Variants in KCNMA1 observed in about 807,000 individuals in gnomAD.
KCNMA1 encodes Calcium-activated potassium channel subunit alpha-1.
Under a neutral mutation model 140.0 loss-of-function variants are expected in KCNMA1, and 29 were observed. The observed-to-expected ratio is 0.21, with a 90% CI of 0.15 to 0.28. The LOEUF is 0.28. KCNMA1 is among the 10% of genes least tolerant of loss of function. The probability of loss-of-function intolerance (pLI) is 1.00; values close to 1 mark genes in which losing one functional copy is unlikely to be tolerated. For synonymous variants in KCNMA1, 612 were observed against 611.9 expected, an observed-to-expected ratio of 1.00 and a Z score of 0.00; for missense variants, 880 against 1,602.2, an observed-to-expected ratio of 0.55 and a Z score of 7.70.
intron 6 of KCNMA1, among the ~76,000 whole-genome samples, chr10:77,118,902 G>C (rs1449850634): frequency 6.6e-6 from 1 of 152,190 alleles, no homozygotes; most frequent in Non-Finnish European, 1.5e-5. Context: ...TCAACCATCT[G>C]GTTATGACCA....
chr10:77,198,074 A>C (rs1181464168), intron 3 of KCNMA1, among the ~76,000 whole-genome samples: 1 of 152,146 alleles, frequency 6.6e-6, no homozygotes, highest in African/African-American at 2.4e-5. Flanking sequence ...TCACTTCAAC[A>C]AATAACCTCA....
At chr10:77,625,275 G>A (rs890800182) in intron 1 of KCNMA1, among the ~76,000 whole-genome samples, 10 of 152,212 alleles carry the variant, frequency 6.6e-5, no homozygotes, top group Non-Finnish European at 1.5e-4. Flanking sequence ...CAGCTACTCC[G>A]GAGGCTGAGG....
intron 18 of KCNMA1, among the ~76,000 whole-genome samples, chr10:77,004,549 T>A (rs2087731884): frequency 6.6e-6 from 1 of 152,184 alleles, no homozygotes; most frequent in Admixed American, 6.5e-5. Context: ...AGAGCTCTCC[T>A]CTGGGCCATT....
At chr10:77,377,443 A>G (rs1049587528) in intron 2 of KCNMA1, among the ~76,000 whole-genome samples, 12 of 152,162 alleles carry the variant, frequency 7.9e-5, no homozygotes, top group African/African-American at 2.9e-4. Flanking sequence ...ATTTTCCAGT[A>G]GGGAAGTGGT....
intron 14 of KCNMA1, among the ~76,000 whole-genome samples, chr10:77,046,348 T>C (rs2095053579): frequency 1.3e-5 from 2 of 152,188 alleles, no homozygotes; most frequent in African/African-American, 4.8e-5. Flanking sequence ...TGGCATATCT[T>C]AGATGCCATT....
chr10:76,951,130 A>G (rs1258742108), intron 21 of KCNMA1, among the ~76,000 whole-genome samples: 1 of 152,198 alleles, frequency 6.6e-6, no homozygotes, highest in Non-Finnish European at 1.5e-5. Flanking sequence ...AGTGAATTCT[A>G]GAATAGGGAG....
intron 20 of KCNMA1, among the ~76,000 whole-genome samples, chr10:76,964,288 C>T (rs1402909138): frequency 6.6e-6 from 1 of 152,068 alleles, no homozygotes; most frequent in Admixed American, 6.6e-5. Context: ...TTCCCTGCTG[C>T]CACCTAAGAT....
In KCNMA1 at chr10:77,410,834, G is replaced by A. The variant is rs977926744; in HGVS notation, c.379-6811C>T. Among the ~76,000 whole-genome samples the A allele has an allele frequency of 6.6e-5, 10 of 152,162 alleles. No individual in the cohort carries two copies. In the East Asian group the frequency reaches 1.7e-3, roughly 26 times the overall value. On this transcript the variant is annotated intron_variant, in intron 1 of 27. Transcript: ENST00000286628. ...CCGTGGCTGCACCCTCATTTCTCTC[G>A]AGCTTTGGTTCACATCCTCACTTTG...
At chr10:77,058,358 C>A (rs994234656) in intron 14 of KCNMA1, among the ~76,000 whole-genome samples, 3 of 151,992 alleles carry the variant, frequency 2.0e-5, no homozygotes, top group Admixed American at 1.3e-4. Context: ...AACTAGCAGA[C>A]AGGAAATCAG....
chr10:77,034,959 G>A (rs1460794736), intron 15 of KCNMA1, among the ~76,000 whole-genome samples: 2 of 152,158 alleles, frequency 1.3e-5, no homozygotes, highest in Non-Finnish European at 2.9e-5. Flanking sequence ...CCCAACTGCT[G>A]AACCCATGGT....
chr10:77,161,093 C>T (rs1218781034), intron 5 of KCNMA1, among the ~76,000 whole-genome samples: 4 of 152,172 alleles, frequency 2.6e-5, no homozygotes, highest in Non-Finnish European at 5.9e-5. Flanking sequence ...CATTGTCTGT[C>T]GGCTCCATGG....
At chr10:76,954,490 A>G (rs554494100) in intron 20 of KCNMA1, among the ~76,000 whole-genome samples, 2 of 152,344 alleles carry the variant, frequency 1.3e-5, no homozygotes, top group Admixed American at 6.5e-5. Context: ...ATATTTTAGC[A>G]ATTTGCCCAA....
chr10:77,143,087 G>A (rs928636075), intron 5 of KCNMA1, among the ~76,000 whole-genome samples: 1 of 151,984 alleles, frequency 6.6e-6, no homozygotes, highest in Non-Finnish European at 1.5e-5. Flanking sequence ...GAATAATCAT[G>A]ACATTGAAAC....
At chr10:77,436,081 G>A (rs992730614) in intron 1 of KCNMA1, among the ~76,000 whole-genome samples, 5 of 152,216 alleles carry the variant, frequency 3.3e-5, no homozygotes, top group South Asian at 2.1e-4. Context: ...CGTAGAGAAC[G>A]TCAGAAAAGG....
chr10:77,151,161 T>C (rs546892249), intron 5 of KCNMA1, among the ~76,000 whole-genome samples: 1 of 144,608 alleles, frequency 6.9e-6, no homozygotes, highest in Admixed American at 6.8e-5. Context: ...CTTTCTTTTC[T>C]TTTCTTTCTT....
chr10:76,960,634 T>G (rs1319395819), intron 20 of KCNMA1, among the ~76,000 whole-genome samples: 1 of 148,882 alleles, frequency 6.7e-6, no homozygotes, highest in South Asian at 2.1e-4. Context: ...TTTTTTTTTT[T>G]TTTTTTTTTT....
chr10:76,956,954 C>G (rs2068587387), intron 20 of KCNMA1, among the ~76,000 whole-genome samples: 2 of 151,660 alleles, frequency 1.3e-5, no homozygotes, highest in African/African-American at 4.8e-5. Flanking sequence ...AACCCCATCT[C>G]TATTAAAAAT....
chr10:76,949,070 T>C (rs1344129892), intron 22 of KCNMA1, 72 bp downstream of exon 22: 13 of 1,184,712 alleles, frequency 1.1e-5, no homozygotes, highest in African/African-American at 3.0e-5. Flanking sequence ...GCTACAACTA[T>C]TATATCCATC....
At chr10:77,578,797 C>T (rs2075024177) in intron 1 of KCNMA1, among the ~76,000 whole-genome samples, 1 of 152,220 alleles carries the variant, frequency 6.6e-6, no homozygotes, top group Non-Finnish European at 1.5e-5. Flanking sequence ...ACTCCCAAGA[C>T]ATGGACTCTC....
Sources: gnomAD v4.1 joint callset for allele counts (sites outside exome capture counted in the v4.1 genomes callset) on GRCh38, gnomAD v4.1.1 for gene constraint, MANE v1.5 for transcripts, NCBI Gene and HGNC (gene_info 2026-07-23, HGNC 2026-07-21) for gene names.